The following NOS1AP variants were observed in gnomAD, a reference collection of about 807,000 sequenced individuals.
NOS1AP encodes the protein nitric oxide synthase 1 adaptor protein.
A neutral mutation model predicts 56.2 loss-of-function variants in NOS1AP; 21 were observed. That is an observed-to-expected ratio of 0.37 (90% CI 0.26 to 0.54). The LOEUF (loss-of-function observed/expected upper bound fraction) is 0.54. Among genes scored for constraint, NOS1AP ranks in the 20% least tolerant of loss-of-function variants. The pLI is 0.84. For synonymous variants in NOS1AP, 270 were observed against 274.6 expected, an observed-to-expected ratio of 0.98 and a Z score of 0.17; for missense variants, 522 against 657.8, an observed-to-expected ratio of 0.79 and a Z score of 2.26.
At chr1:162,352,865 T>C (rs560192023) in intron 6 of NOS1AP, among the ~76,000 whole-genome samples, 1 of 152,334 alleles carries the variant, frequency 6.6e-6, no homozygotes, top group Non-Finnish European at 1.5e-5. Context: ...AACAGCCTAA[T>C]AGGTATCCCT....
At chr1:162,078,989 A>G (rs1691831919) in intron 1 of NOS1AP, among the ~76,000 whole-genome samples, 1 of 152,202 alleles carries the variant, frequency 6.6e-6, no homozygotes, top group Non-Finnish European at 1.5e-5. Context: ...TGCCTTGCAC[A>G]TAGAAAATGT....
At chr1:162,172,169 C>T (rs775872480) in intron 2 of NOS1AP, among the ~76,000 whole-genome samples, 15 of 152,254 alleles carry the variant, frequency 9.9e-5, no homozygotes, top group Admixed American at 3.3e-4. Flanking sequence ...GAACCCATGA[C>T]GGGTTGTGGG....
Position 162,188,691 on chromosome 1 carries a change from G to C in NOS1AP, c.177+34215G>C, listed in dbSNP as rs1481335773. Among the ~76,000 whole-genome samples, 1 of 152,192 alleles carries C rather than the reference G, an allele frequency of 6.6e-6. No homozygotes were observed. Among genetic ancestry groups the C allele is most frequent in the Non-Finnish European group, 1.5e-5 (1 of 68,028 alleles). ...TTATGTGCCTTCCTTGAAGTGCAGT[G>C]AGTTTTGTTGAATGATAACAGTGTA... On this transcript the variant is annotated intron_variant, in intron 2 of 9. Transcript: ENST00000361897. The surrounding 1 kb of genome is among the most constrained non-coding windows in gnomAD (Gnocchi z 4.0).
chr1:162,268,892 A>G (rs905599112), intron 2 of NOS1AP, among the ~76,000 whole-genome samples: 1 of 152,206 alleles, frequency 6.6e-6, no homozygotes, highest in African/African-American at 2.4e-5. Context: ...GAAGTCCAAC[A>G]TCTGATAAAT....
intron 4 of NOS1AP, among the ~76,000 whole-genome samples, chr1:162,320,686 T>C (rs1225693809): frequency 6.6e-6 from 1 of 152,022 alleles, no homozygotes; most frequent in Non-Finnish European, 1.5e-5. Flanking sequence ...AAACCCCGTC[T>C]CTACTAAAAA....
chr1:162,352,124 A>G (rs1290923598), intron 6 of NOS1AP, among the ~76,000 whole-genome samples: 3 of 151,474 alleles, frequency 2.0e-5, no homozygotes, highest in Non-Finnish European at 4.4e-5. Flanking sequence ...CAGTGGCATG[A>G]TCTCAGCTGA....
intron 2 of NOS1AP, among the ~76,000 whole-genome samples, chr1:162,218,148 G>A (rs1295038331): frequency 1.3e-5 from 2 of 152,202 alleles, no homozygotes; most frequent in African/African-American, 4.8e-5. Flanking sequence ...TATTTTGGCT[G>A]ATTTACAATG....
At chr1:162,310,778 G>A (rs1656000542) in intron 4 of NOS1AP, among the ~76,000 whole-genome samples, 2 of 152,056 alleles carry the variant, frequency 1.3e-5, no homozygotes, top group African/African-American at 4.8e-5. Context: ...TGTCAACCCT[G>A]TATACCCTCA....
chr1:162,334,812 A>G (rs1462127227), intron 5 of NOS1AP, among the ~76,000 whole-genome samples: 2 of 152,150 alleles, frequency 1.3e-5, no homozygotes, highest in Admixed American at 6.6e-5. Context: ...TCACTTCCCA[A>G]TTTTACCGAT....
intron 8 of NOS1AP, chr1:162,361,040 G>A: frequency 2.5e-6 from 1 of 398,438 alleles, no homozygotes. Flanking sequence ...CTGAACTTTT[G>A]TGTGTCATGA....
chr1:162,211,800 C>G (rs1652357457), intron 2 of NOS1AP, among the ~76,000 whole-genome samples: 1 of 152,118 alleles, frequency 6.6e-6, no homozygotes, highest in African/African-American at 2.4e-5. Context: ...TGACAAGGGT[C>G]CAGGGTCTCT....
At position 162,069,909 on chromosome 1, in the gene NOS1AP, C is replaced by A; in HGVS notation, c.-269C>A. ...GGGGCGCCGCGCAGCCCGCTCCCGC[C>A]GCCACCTCCTCCCCTGCCGCCCTCC... On this transcript the variant is annotated 5_prime_UTR_variant, in exon 1 of 10. Coordinates refer to ENST00000361897, the MANE Select transcript of NOS1AP (RefSeq NM_014697.3). 5.3e-6 allele frequency: 1 copy of A among 188,616 alleles called. No homozygotes were observed. The highest frequency in any genetic ancestry group is 1.7e-4 in the South Asian group (1 of 5,820). The allele number at this position is 188,616 out of a possible 1,614,324, so 11.7% of individuals were successfully genotyped here.
intron 2 of NOS1AP, among the ~76,000 whole-genome samples, chr1:162,196,472 G>A (rs1651810899): frequency 6.6e-6 from 1 of 152,238 alleles, no homozygotes. Context: ...GTGGTGTGCA[G>A]CACATAGTAG....
chr1:162,140,610 C>G (rs959581524), intron 1 of NOS1AP, among the ~76,000 whole-genome samples: 74 of 152,184 alleles, frequency 4.9e-4, no homozygotes, highest in African/African-American at 1.8e-3. Flanking sequence ...ATGAACATAT[C>G]AGTGCATATA....
intron 1 of NOS1AP, among the ~76,000 whole-genome samples, chr1:162,075,815 T>C (rs1341145780): frequency 2.0e-5 from 3 of 152,162 alleles, no homozygotes; most frequent in African/African-American, 7.2e-5. Flanking sequence ...AAAGATACAG[T>C]ACTGCTCTGA....
intron 2 of NOS1AP, among the ~76,000 whole-genome samples, chr1:162,169,777 G>A (rs571417405): frequency 3.3e-5 from 5 of 152,246 alleles, no homozygotes; most frequent in South Asian, 4.1e-4. Context: ...GAATCTCAGC[G>A]GGCGGTCAGG....
At position 162,367,458 on chromosome 1, in the gene NOS1AP, C is replaced by A; in HGVS notation, c.1512C>A (p.Ile504=). The A allele has an allele frequency of 6.4e-7, 1 of 1,560,706 alleles. No individual in the cohort carries two copies. Among genetic ancestry groups the A allele is most frequent in the East Asian group, 2.3e-5 (1 of 42,560 alleles). Reference sequence around the variant, plus strand: ...TGGGCGACGGCCTGGATGATGAGATCGCCGTGTAGGTGCCGAGGGCGAGGA... The same window carrying A: ...TGGGCGACGGCCTGGATGATGAGATAGCCGTGTAGGTGCCGAGGGCGAGGA... ...QELGDGLDDE[I]AV is the part of the protein sequence containing the mutation. The change falls in exon 10 of 10, where the codon ATC becomes ATA. Residue 504 remains isoleucine, a synonymous_variant. Transcript: ENST00000361897. The surrounding 1 kb of genome is among the most constrained non-coding windows in gnomAD (Gnocchi z 6.5).
intron 2 of NOS1AP, among the ~76,000 whole-genome samples, chr1:162,280,300 C>G (rs1336845272): frequency 6.6e-6 from 1 of 152,222 alleles, no homozygotes. Context: ...ATGACAACAA[C>G]TAGCAATAGC....
intron 5 of NOS1AP, among the ~76,000 whole-genome samples, chr1:162,335,048 C>T (rs1656896749): frequency 1.3e-5 from 2 of 152,306 alleles, no homozygotes; most frequent in South Asian, 4.1e-4. Flanking sequence ...GACCAGTGCT[C>T]ACTTGGAACT....
Sources: allele counts gnomAD v4.1 joint callset (sites outside exome capture counted in the v4.1 genomes callset), GRCh38; gene constraint gnomAD v4.1.1; non-coding constraint Gnocchi (gnomAD v3.1); transcripts MANE v1.5; gene names NCBI Gene and HGNC (gene_info 2026-07-23, HGNC 2026-07-21).